Variants in LHFPL1 observed in about 807,000 individuals in gnomAD.
The protein encoded by LHFPL1 is LHFPL tetraspan subfamily member 1 protein.
LHFPL1 carries 4 observed loss-of-function variants against 12.1 expected under a neutral mutation model. The observed-to-expected ratio is 0.33, with a 90% CI of 0.16 to 0.76. The LOEUF is 0.76. Ranked by LOEUF, LHFPL1 falls within the 30% of genes least tolerant of loss-of-function variation. LHFPL1 has a pLI of 0.61. For synonymous variants in LHFPL1, 52 were observed against 61.9 expected, an observed-to-expected ratio of 0.84 and a Z score of 0.75; for missense variants, 141 against 174.1, an observed-to-expected ratio of 0.81 and a Z score of 1.07.
chrX:112,675,006 G>C (rs188641271), intron 1 of LHFPL1, among the ~76,000 whole-genome samples: 1,176 of 111,946 alleles, frequency 0.011, 9 homozygotes, highest in African/African-American at 0.036. Flanking sequence ...TATTCTAAGT[G>C]ATGTAACTCA....
In LHFPL1 at chrX:112,671,121, G is replaced by A. The variant is rs1007288369; in HGVS notation, c.270C>T (p.Ala90=). ...AWQMCTVVTG[A]GCALLLLVAL... Reference sequence around the variant, plus strand: ...CCACCAGGAGCAGCAGAGCACAGCCGGCACCTGTCACCACTGTGCACATCT... The same window carrying A: ...CCACCAGGAGCAGCAGAGCACAGCCAGCACCTGTCACCACTGTGCACATCT... Residue 90 remains alanine (A), a synonymous_variant, in exon 2 of 4, where the codon GCC becomes GCT. Coordinates refer to ENST00000371968, the MANE Select transcript of LHFPL1 (RefSeq NM_178175.4). The A allele has an allele frequency of 1.8e-5, 22 of 1,210,543 alleles. No individual in the cohort carries two copies. The highest frequency in any genetic ancestry group is 1.2e-4 in the African/African-American group (7 of 57,314).
intron 3 of LHFPL1, among the ~76,000 whole-genome samples, chrX:112,638,944 G>A (rs1242979922): frequency 9.0e-6 from 1 of 111,432 alleles, no homozygotes; most frequent in Non-Finnish European, 1.9e-5. Context: ...TTTTATGTTA[G>A]CAAGAAAAGT....
At chrX:112,654,853 A>G (rs1023795985) in intron 3 of LHFPL1, among the ~76,000 whole-genome samples, 3 of 111,562 alleles carry the variant, frequency 2.7e-5, no homozygotes, top group Admixed American at 9.6e-5. Context: ...CCATTTTATT[A>G]TATCTCATGG....
At chrX:112,642,863 C>T (rs893868463) in intron 3 of LHFPL1, among the ~76,000 whole-genome samples, 1 of 110,982 alleles carries the variant, frequency 9.0e-6, no homozygotes, top group Non-Finnish European at 1.9e-5. Context: ...AGTCTCATTA[C>T]TTTAAGCACC....
intron 3 of LHFPL1, among the ~76,000 whole-genome samples, chrX:112,651,214 G>A (rs1930845436): frequency 1.8e-5 from 2 of 111,831 alleles, no homozygotes; most frequent in South Asian, 3.7e-4. Context: ...TCTTGGATAA[G>A]TCTCTTTACC....
intron 2 of LHFPL1, among the ~76,000 whole-genome samples, chrX:112,662,433 C>T (rs1602687391): frequency 8.9e-6 from 1 of 111,999 alleles, no homozygotes; most frequent in East Asian, 2.8e-4. Context: ...CAGATGAATC[C>T]TTTAGGAAGA....
At chrX:112,644,446 C>A (rs769448148) in intron 3 of LHFPL1, among the ~76,000 whole-genome samples, 72 of 106,715 alleles carry the variant, frequency 6.7e-4, no homozygotes, top group South Asian at 5.6e-3. Flanking sequence ...GCATATATTT[C>A]TCCTGTTTGT....
At chrX:112,645,322 A>T (rs5929425) in intron 3 of LHFPL1, among the ~76,000 whole-genome samples, 7 of 112,043 alleles carry the variant, frequency 6.2e-5, no homozygotes, top group Non-Finnish European at 1.1e-4. Flanking sequence ...TAACCTGTGC[A>T]TTTAGCCTTC....
At chrX:112,653,180 T>C (rs1389843716) in intron 3 of LHFPL1, among the ~76,000 whole-genome samples, 1 of 111,935 alleles carries the variant, frequency 8.9e-6, no homozygotes, top group Non-Finnish European at 1.9e-5. Flanking sequence ...GCATAATAAT[T>C]CTAAAATGTA....
chrX:112,654,202 C>T (rs1030366261), intron 3 of LHFPL1, among the ~76,000 whole-genome samples: 5 of 111,815 alleles, frequency 4.5e-5, no homozygotes, highest in African/African-American at 1.3e-4. Flanking sequence ...TTTGGAAAAG[C>T]CAAAAACTGG....
At chrX:112,632,554 G>A (rs866132625) in intron 3 of LHFPL1, among the ~76,000 whole-genome samples, 1 of 111,794 alleles carries the variant, frequency 8.9e-6, no homozygotes. Context: ...GAGAGTCCCT[G>A]AGAAGAGAGA....
chrX:112,650,190 GA>G (rs61291562), intron 3 of LHFPL1, among the ~76,000 whole-genome samples: 11,166 of 109,450 alleles, frequency 0.1, 696 homozygotes, highest in African/African-American at 0.23. Flanking sequence ...TAATACAGTA[GA>G]AAAAAAAATT....
intron 3 of LHFPL1, among the ~76,000 whole-genome samples, chrX:112,652,902 T>A (rs1290546139): frequency 8.9e-6 from 1 of 111,988 alleles, no homozygotes; most frequent in Non-Finnish European, 1.9e-5. Context: ...CCATAATAAG[T>A]GTATACAACA....
chrX:112,645,189 A>G (rs991325847), intron 3 of LHFPL1, among the ~76,000 whole-genome samples: 2 of 112,350 alleles, frequency 1.8e-5, no homozygotes, highest in Non-Finnish European at 3.8e-5. Flanking sequence ...GTATGTGTCT[A>G]TACTTCACTT....
At chrX:112,643,378 C>CAAAAAAA (rs1164744066) in intron 3 of LHFPL1, among the ~76,000 whole-genome samples, 1 of 38,854 alleles carries the variant, frequency 2.6e-5, no homozygotes, top group Non-Finnish European at 4.9e-5. Flanking sequence ...GACTCCGTCT[C>CAAAAAAA]AAAAAAAAAA....
At chrX:112,657,996 G>A (rs1373636229) in intron 3 of LHFPL1, among the ~76,000 whole-genome samples, 3 of 110,482 alleles carry the variant, frequency 2.7e-5, no homozygotes, top group African/African-American at 9.9e-5. Flanking sequence ...TCAAGAAAGT[G>A]AAAAGACAAC....
intron 1 of LHFPL1, among the ~76,000 whole-genome samples, chrX:112,675,877 T>C (rs1321255037): frequency 1.8e-5 from 2 of 112,608 alleles, no homozygotes; most frequent in Non-Finnish European, 3.7e-5. Context: ...GACTATGGAA[T>C]TAAACATTGA....
At chrX:112,649,947 G>A (rs1930804252) in intron 3 of LHFPL1, among the ~76,000 whole-genome samples, 1 of 104,889 alleles carries the variant, frequency 9.5e-6, no homozygotes, top group African/African-American at 3.6e-5. Context: ...CTTTTTTCAT[G>A]TGTGGAACAA....
rs112421437 is a variant in LHFPL1, at chrX:112,670,957, C to T, written c.382+52G>A. The T allele has an allele frequency of 2.1e-4, 242 of 1,161,134 alleles. 1 individual carries two copies. The African/African-American group carries it at 3.7e-3, about 18-fold the overall frequency. ...CCCCATAAGGCTACACTCCCCACTC[C>T]TCCCTGCCCCAAAGCTACCCAACCT... On this transcript the variant is annotated intron_variant, in intron 2 of 3. Coordinates refer to ENST00000371968, the MANE Select transcript of LHFPL1 (RefSeq NM_178175.4).
Sources: gnomAD v4.1 joint callset for allele counts (sites outside exome capture counted in the v4.1 genomes callset) on GRCh38, gnomAD v4.1.1 for gene constraint, MANE v1.5 for transcripts, NCBI Gene and HGNC (gene_info 2026-07-23, HGNC 2026-07-21) for gene names.